The following STS variants were observed in gnomAD, a reference collection of about 807,000 sequenced individuals.
STS encodes steroid sulfatase, also known as steryl-sulfatase.
STS carries 7 observed loss-of-function variants against 26.8 expected under a neutral mutation model. That is an observed-to-expected ratio of 0.26 (90% CI 0.15 to 0.49). The LOEUF is 0.49. STS is among the 20% of genes least tolerant of loss of function. The probability of loss-of-function intolerance (pLI) is 0.98; values close to 1 mark genes in which losing one functional copy is unlikely to be tolerated. For synonymous variants in STS, 199 were observed against 189.4 expected, an observed-to-expected ratio of 1.05 and a Z score of -0.42; for missense variants, 434 against 465.6, an observed-to-expected ratio of 0.93 and a Z score of 0.63.
intron 1 of STS, among the ~76,000 whole-genome samples, chrX:7,185,536 C>T (rs1377173805): frequency 8.9e-6 from 1 of 112,115 alleles, no homozygotes; most frequent in Non-Finnish European, 1.9e-5. Flanking sequence ...CTATTATTCT[C>T]ATGCTTATCA....
At chrX:7,234,754 T>C (rs1713783579) in intron 2 of STS, among the ~76,000 whole-genome samples, 1 of 112,334 alleles carries the variant, frequency 8.9e-6, no homozygotes, top group Non-Finnish European at 1.9e-5. Context: ...TTTATTGTTC[T>C]TGAATCTGAT....
At chrX:7,227,612 G>C (rs186759671) in intron 2 of STS, among the ~76,000 whole-genome samples, 1 of 111,247 alleles carries the variant, frequency 9.0e-6, no homozygotes, top group East Asian at 2.8e-4. Flanking sequence ...AAGTTTCCAA[G>C]CAAAAGTCTT....
At chrX:7,204,584 C>T (rs753562769) in intron 2 of STS, among the ~76,000 whole-genome samples, 29 of 91,998 alleles carry the variant, frequency 3.2e-4, no homozygotes, top group African/African-American at 1.1e-3. Flanking sequence ...TCCTTCCTTT[C>T]CTCCTTTCTC....
chrX:7,221,800 T>C (rs1426201621), intron 2 of STS, among the ~76,000 whole-genome samples: 1 of 112,475 alleles, frequency 8.9e-6, no homozygotes, highest in Non-Finnish European at 1.9e-5. Flanking sequence ...AGTAAATGTT[T>C]ATCGGTGGAC....
intron 7 of STS, among the ~76,000 whole-genome samples, chrX:7,291,677 G>A (rs1925424877): frequency 8.9e-6 from 1 of 111,873 alleles, no homozygotes; most frequent in South Asian, 3.7e-4. Flanking sequence ...AAATACTGAT[G>A]CTCACCTAAA....
intron 9 of STS, among the ~76,000 whole-genome samples, chrX:7,333,412 C>T (rs1396102716): frequency 1.8e-5 from 2 of 112,001 alleles, no homozygotes; most frequent in Admixed American, 1.9e-4. Context: ...GGGAATAATC[C>T]GTTCCCTGGT....
intron 7 of STS, among the ~76,000 whole-genome samples, chrX:7,297,214 A>T: frequency 9.1e-6 from 1 of 109,820 alleles, no homozygotes; most frequent in Non-Finnish European, 1.9e-5. Context: ...CTTTCCTCTC[A>T]AAGTGTGGTT....
intron 10 of STS, among the ~76,000 whole-genome samples, chrX:7,336,685 G>C (rs751524289): frequency 8.9e-6 from 1 of 112,323 alleles, no homozygotes; most frequent in African/African-American, 3.2e-5. Flanking sequence ...ATAAATGAGA[G>C]CTCAAGGACT....
chrX:7,288,466 G>A (rs34884518), intron 7 of STS, among the ~76,000 whole-genome samples: 48 of 111,044 alleles, frequency 4.3e-4, no homozygotes, highest in Non-Finnish European at 7.2e-4. Context: ...CTTTGTGTGA[G>A]CATCATGTTG....
intron 1 of STS, among the ~76,000 whole-genome samples, chrX:7,181,244 G>C (rs1933675640): frequency 8.9e-6 from 1 of 112,313 alleles, no homozygotes; most frequent in African/African-American, 3.2e-5. Context: ...ACCTGTACAT[G>C]TATCCACTTA....
At chrX:7,321,124 A>G (rs1421034673) in intron 8 of STS, among the ~76,000 whole-genome samples, 1 of 111,853 alleles carries the variant, frequency 8.9e-6, no homozygotes, top group Non-Finnish European at 1.9e-5. Flanking sequence ...CCTTTGCAGC[A>G]ACATAGATGG....
At chrX:7,343,760 C>T (rs767932146) in intron 10 of STS, among the ~76,000 whole-genome samples, 33 of 112,090 alleles carry the variant, frequency 2.9e-4, no homozygotes, top group African/African-American at 1.0e-3. Flanking sequence ...CCGCCAGCAC[C>T]CCCCGCCCCT....
At chrX:7,323,159 C>A (rs1338117970) in intron 8 of STS, among the ~76,000 whole-genome samples, 1 of 111,285 alleles carries the variant, frequency 9.0e-6, no homozygotes, top group Non-Finnish European at 1.9e-5. Context: ...GTGCAAAGGG[C>A]TGGTGTATCT....
Position 7,351,106 on chromosome X carries a change from A to G in STS, c.*845A>G, listed in dbSNP as rs745976969. The G allele has an allele frequency of 2.7e-5, 3 of 112,181 alleles. No homozygotes were observed. The highest frequency in any genetic ancestry group is 1.9e-5 in the Non-Finnish European group (1 of 53,249). 9.2% of individuals were successfully genotyped at this position (112,181 alleles called of 1,213,427 possible). On this transcript the variant is annotated 3_prime_UTR_variant, in exon 11 of 11. Coordinates refer to ENST00000674429, the MANE Select transcript of STS (RefSeq NM_001320752.2). ...TGCTTTCCATTCCATAATTTGTAGT[A>G]TAATTCTTGGATTCCACTGTTTTCT...
chrX:7,198,317 TG>T (rs1934008099), intron 2 of STS, among the ~76,000 whole-genome samples: 1 of 111,354 alleles, frequency 9.0e-6, no homozygotes, highest in Non-Finnish European at 1.9e-5. Context: ...CTTCTGTGCC[TG>T]GGTGAGATTG....
rs779664349 is a variant in STS, at chrX:7,350,285, G to A, written c.*24G>A. 1.9e-5 allele frequency: 23 copies of A among 1,196,817 alleles called. No homozygotes were observed. The highest frequency in any genetic ancestry group is 5.3e-4 in the Middle Eastern group (2 of 3,809). On this transcript the variant is annotated 3_prime_UTR_variant, in exon 11 of 11. Transcript: ENST00000674429. ...AGCAGCGCCTGGGGACCAGACAGAC[G>A]CATGTGGCAAAGCTCACCATCTTCA... is the stretch of plus-strand genomic sequence containing the variant.
chrX:7,338,676 C>T (rs1928144401), intron 10 of STS, among the ~76,000 whole-genome samples: 1 of 110,853 alleles, frequency 9.0e-6, no homozygotes, highest in African/African-American at 3.3e-5. Context: ...AAACTTTTTC[C>T]CAACAACAAA....
intron 8 of STS, among the ~76,000 whole-genome samples, chrX:7,309,179 G>A (rs1926362428): frequency 9.0e-6 from 1 of 110,793 alleles, no homozygotes; most frequent in Admixed American, 9.6e-5. Context: ...AAGAAAATGT[G>A]GTATATATAC....
At position 7,158,738 on chromosome X, in the gene STS, G is replaced by C. The variant is rs1457901470; in HGVS notation, c.-134+10655G>C. ...GGGGAGAAAGGGAAGTCTTACTCTG[G>C]AATTAAAGCTGCAGAGATTTAGCCT... On this transcript the variant is annotated intron_variant, in intron 1 of 10. Transcript: ENST00000674429. Among the ~76,000 whole-genome samples the C allele has an allele frequency of 3.6e-5, 4 of 111,340 alleles. No individual in the cohort carries two copies. In the East Asian group the frequency reaches 1.1e-3, roughly 32 times the overall value.
Sources: gnomAD v4.1 joint callset for allele counts (sites outside exome capture counted in the v4.1 genomes callset) on GRCh38, gnomAD v4.1.1 for gene constraint, MANE v1.5 for transcripts, NCBI Gene and HGNC (gene_info 2026-07-23, HGNC 2026-07-21) for gene names.